TTC7A: variants seen among roughly 807,000 people sequenced by gnomAD.
TTC7A encodes the protein tetratricopeptide repeat protein 7A.
Under a neutral mutation model 103.7 loss-of-function variants are expected in TTC7A, and 110 were observed. The ratio of observed to expected loss-of-function variants is 1.06; its 90% confidence interval spans 0.91 to 1.24. The LOEUF is 1.24. TTC7A is among the 50% of genes most tolerant of loss of function. The pLI, the probability that TTC7A is intolerant of heterozygous loss-of-function variation, is 0.00. For missense variants in TTC7A, 1,340 were observed against 1,116.3 expected, an observed-to-expected ratio of 1.20 and a Z score of -2.86; for synonymous variants, 521 against 467.9, an observed-to-expected ratio of 1.11 and a Z score of -1.47.
chr2:46,974,952 G>C, intron 3 of TTC7A, 21 bp from the exon 4 acceptor site: 1 of 1,611,774 alleles, frequency 6.2e-7, no homozygotes, highest in Non-Finnish European at 8.5e-7. Flanking sequence ...ACAGGTCTGA[G>C]GCACCCTCTT....
chr2:46,921,249 T>C (rs1289523569), intron 2 of TTC7A, among the ~76,000 whole-genome samples: 1 of 152,192 alleles, frequency 6.6e-6, no homozygotes, highest in African/African-American at 2.4e-5. Flanking sequence ...ACAGATAATA[T>C]GATCATGCAC....
At chr2:46,999,851 T>C (rs1676610896) in intron 8 of TTC7A, 6 of 985,284 alleles carry the variant, frequency 6.1e-6, no homozygotes, top group Non-Finnish European at 7.2e-6. Context: ...CTGTTAGAAA[T>C]GGAAAGGGTA....
At chr2:47,013,019 C>G (rs922417845) in intron 11 of TTC7A, among the ~76,000 whole-genome samples, 6 of 152,208 alleles carry the variant, frequency 3.9e-5, no homozygotes, top group African/African-American at 1.4e-4. Flanking sequence ...TGCCCACCCA[C>G]TGGGTACCCT....
Position 46,993,445 on chromosome 2 carries a change from A to T in TTC7A, c.765-5A>T. The T allele has an allele frequency of 6.2e-7, 1 of 1,614,124 alleles. No homozygotes were observed. Among genetic ancestry groups the T allele is most frequent in the Non-Finnish European group, 8.5e-7 (1 of 1,179,956 alleles). On this transcript the variant is annotated splice_region_variant and splice_polypyrimidine_tract_variant and intron_variant, in intron 5 of 19. Transcript: ENST00000319190. The stretch of plus-strand genomic sequence containing the variant: ...ACAAATCTACTTCTGCCGTCCTCCC[A>T]CCAGGAACATCGTGAAGGGCATGAG...
intron 1 of TTC7A, among the ~76,000 whole-genome samples, chr2:46,945,544 A>AGC (rs1670862150): frequency 6.6e-6 from 1 of 152,022 alleles, no homozygotes; most frequent in Non-Finnish European, 1.5e-5. Flanking sequence ...CACCGTGCCC[A>AGC]GCTACCTAGT....
intron 2 of TTC7A, chr2:46,951,709 C>G (rs1343758161): frequency 8.8e-6 from 4 of 454,584 alleles, no homozygotes; most frequent in African/African-American, 8.0e-5. Flanking sequence ...CTGCGCCCAG[C>G]TGATTTTTAA....
At chr2:47,024,636 C>T (rs1679685228) in intron 14 of TTC7A, among the ~76,000 whole-genome samples, 1 of 152,088 alleles carries the variant, frequency 6.6e-6, no homozygotes, top group Non-Finnish European at 1.5e-5. Context: ...TGATGAGTGA[C>T]CACCTGTCAC....
chr2:46,915,956 G>A (rs1011936578), upstream of TTC7A: 2 of 985,434 alleles, frequency 2.0e-6, no homozygotes, highest in East Asian at 2.3e-4. Flanking sequence ...GCCCAGCACT[G>A]GCGGGACTGA....
At chr2:46,939,678 C>T (rs1044033868), upstream of TTC7A, among the ~76,000 whole-genome samples, 1 of 152,200 alleles carries the variant, frequency 6.6e-6, no homozygotes, top group Admixed American at 6.5e-5. Context: ...TGTTCACTCC[C>T]TGCCCCAGGG....
intron 2 of TTC7A, among the ~76,000 whole-genome samples, chr2:46,922,131 G>C (rs1669137092): frequency 6.6e-6 from 1 of 152,074 alleles, no homozygotes; most frequent in Non-Finnish European, 1.5e-5. Context: ...TGAGCAGGCT[G>C]GCTAGGGTCA....
chr2:46,993,365 C>A, intron 5 of TTC7A, 85 bp from the exon 6 acceptor site: 1 of 1,308,406 alleles, frequency 7.6e-7, no homozygotes, highest in Non-Finnish European at 1.1e-6. Flanking sequence ...CAGTCAGCTC[C>A]TCCTGGGGTC....
chr2:47,061,092 C>T, intron 19 of TTC7A, 121 bp downstream of exon 19: 1 of 1,090,886 alleles, frequency 9.2e-7, no homozygotes, highest in Non-Finnish European at 1.3e-6. Flanking sequence ...CTGCTGTTCC[C>T]TGGTGTCTAG....
intron 2 of TTC7A, among the ~76,000 whole-genome samples, chr2:46,955,405 T>A (rs1181103014): frequency 6.6e-6 from 1 of 151,332 alleles, no homozygotes; most frequent in Non-Finnish European, 1.5e-5. Context: ...CTTTGGAGAG[T>A]TAATTAATAG....
At chr2:47,029,200 T>A in intron 14 of TTC7A, 24 bp from the exon 15 acceptor site, 1 of 1,612,354 alleles carries the variant, frequency 6.2e-7, no homozygotes, top group Non-Finnish European at 8.5e-7. Context: ...TGGGGAAGGC[T>A]AACCTGGCGG....
chr2:46,983,617 G>A (rs1572811206), intron 5 of TTC7A, among the ~76,000 whole-genome samples: 1 of 152,216 alleles, frequency 6.6e-6, no homozygotes, highest in East Asian at 1.9e-4. Flanking sequence ...ATGAAGCCCG[G>A]CACGGACCTG....
chr2:47,051,283 C>T (rs1054726448), intron 17 of TTC7A, among the ~76,000 whole-genome samples: 2 of 152,128 alleles, frequency 1.3e-5, no homozygotes, highest in East Asian at 3.8e-4. Flanking sequence ...AAAATGTGGT[C>T]CTATTCTTTT....
intron 18 of TTC7A, among the ~76,000 whole-genome samples, chr2:47,056,458 C>G (rs1191538906): frequency 6.6e-6 from 1 of 152,202 alleles, no homozygotes; most frequent in Admixed American, 6.5e-5. Flanking sequence ...CCCAGGCTCT[C>G]TGTACCCTGC....
chr2:46,953,579 G>A (rs1352479672), intron 2 of TTC7A, among the ~76,000 whole-genome samples: 1 of 152,202 alleles, frequency 6.6e-6, no homozygotes, highest in Non-Finnish European at 1.5e-5. Context: ...GGATGAGAAG[G>A]AGAGCTGGGA....
intron 5 of TTC7A, among the ~76,000 whole-genome samples, chr2:46,981,935 G>A (rs2104295818): frequency 6.6e-6 from 1 of 152,342 alleles, no homozygotes; most frequent in Non-Finnish European, 1.5e-5. Context: ...ACAGGCAGGT[G>A]GACCTGGGCC....
Sources: allele counts gnomAD v4.1 joint callset (sites outside exome capture counted in the v4.1 genomes callset), GRCh38; gene constraint gnomAD v4.1.1; transcripts MANE v1.5; gene names NCBI Gene and HGNC (gene_info 2026-07-23, HGNC 2026-07-21).